Variants in LRP1B observed in about 807,000 individuals in gnomAD.
The protein encoded by LRP1B is low-density lipoprotein receptor-related protein 1B.
LRP1B carries 217 observed loss-of-function variants against 556.6 expected under a neutral mutation model. The ratio of observed to expected loss-of-function variants is 0.39; its 90% CI spans 0.35 to 0.44. The LOEUF is 0.44. Ranked by LOEUF, LRP1B falls within the 20% of genes least tolerant of loss-of-function variation. LRP1B has a pLI of 1.00. For synonymous variants in LRP1B, 2,047 were observed against 1,865.8 expected, an observed-to-expected ratio of 1.10 and a Z score of -2.50; for missense variants, 5,053 against 5,620.8, an observed-to-expected ratio of 0.90 and a Z score of 3.23.
chr2:141,882,841 G>A (rs781604182), intron 1 of LRP1B, among the ~76,000 whole-genome samples: 6 of 152,140 alleles, frequency 3.9e-5, no homozygotes, highest in Non-Finnish European at 7.3e-5. Flanking sequence ...TCAAAGTGCA[G>A]GGGTTATAGG....
intron 2 of LRP1B, among the ~76,000 whole-genome samples, chr2:141,525,615 A>C (rs72852491): frequency 0.24 from 36,161 of 151,936 alleles, 5,318 homozygotes; most frequent in East Asian, 0.48. Flanking sequence ...TTTTAGAGCA[A>C]ATATATGTAA....
chr2:140,243,158 G>A (rs539463543), intron 87 of LRP1B, among the ~76,000 whole-genome samples: 1 of 151,250 alleles, frequency 6.6e-6, no homozygotes, highest in African/African-American at 2.4e-5. Context: ...AGATGACACA[G>A]ATACAGATAT....
At chr2:141,591,628 G>A (rs961904060) in intron 2 of LRP1B, among the ~76,000 whole-genome samples, 3 of 149,586 alleles carry the variant, frequency 2.0e-5, no homozygotes, top group Non-Finnish European at 3.0e-5. Context: ...CTCCATGTGT[G>A]TTTATGTATG....
At chr2:141,018,067 A>G (rs1472229087) in intron 12 of LRP1B, among the ~76,000 whole-genome samples, 2 of 152,046 alleles carry the variant, frequency 1.3e-5, no homozygotes, top group Non-Finnish European at 2.9e-5. Context: ...GAATTCTTAA[A>G]CACACAGAAT....
Position 141,179,815 on chromosome 2 carries a change from T to C in LRP1B, c.1013+8606A>G, listed in dbSNP as rs1680912112. On this transcript the variant is annotated intron_variant, in intron 7 of 90. Coordinates refer to ENST00000389484, the MANE Select transcript of LRP1B (RefSeq NM_018557.3). ...GGGGCTCAAGGGAAAAATATCAATT[T>C]TGGTTCAATATCCTGCAAGGCTCAG... Among the ~76,000 whole-genome samples, 4 of 151,664 alleles carry C rather than the reference T, an allele frequency of 2.6e-5. No homozygotes were observed. The South Asian group carries it at 8.3e-4, about 31-fold the overall frequency.
At chr2:140,908,365 A>AATATATATATATATAT (rs71834225) in intron 21 of LRP1B, among the ~76,000 whole-genome samples, 1 of 141,004 alleles carries the variant, frequency 7.1e-6, no homozygotes, top group Non-Finnish European at 1.5e-5. Flanking sequence ...ATATTTATAT[A>AATATATATATATATAT]ATATATATAT....
chr2:140,247,640 C>G (rs182296708), intron 86 of LRP1B, among the ~76,000 whole-genome samples: 4 of 151,688 alleles, frequency 2.6e-5, no homozygotes, highest in African/African-American at 9.6e-5. Context: ...AGTTTTTACT[C>G]TCCTAAGCAG....
intron 3 of LRP1B, among the ~76,000 whole-genome samples, chr2:141,430,610 T>G (rs942005083): frequency 1.2e-4 from 14 of 120,734 alleles, no homozygotes; most frequent in African/African-American, 3.8e-4. Context: ...GTTTAGTGAT[T>G]CAATTTTTAT....
chr2:141,844,869 A>G (rs1452615974), intron 1 of LRP1B, among the ~76,000 whole-genome samples: 1 of 151,956 alleles, frequency 6.6e-6, no homozygotes. Flanking sequence ...GTCTAAAAGC[A>G]TTTGAGATGC....
Position 140,606,679 on chromosome 2 carries a change from T to C in LRP1B, c.6800-5040A>G, listed in dbSNP as rs182443141. On this transcript the variant is annotated intron_variant, in intron 41 of 90. Coordinates refer to ENST00000389484, the MANE Select transcript of LRP1B (RefSeq NM_018557.3). ...GACACAGCTACATGTACCAGAAAAG[T>C]CCAATGAGAAAAAAAATTATCTCAA... is the stretch of plus-strand genomic sequence containing the variant. Among the ~76,000 whole-genome samples, 120 of 151,884 alleles carry C rather than the reference T, an allele frequency of 7.9e-4. 1 individual carries two copies. The highest frequency in any genetic ancestry group is 2.7e-3 in the African/African-American group (114 of 41,462).
chr2:141,445,868 G>A (rs1162691852), intron 3 of LRP1B, among the ~76,000 whole-genome samples: 5 of 152,170 alleles, frequency 3.3e-5, no homozygotes, highest in East Asian at 1.9e-4. Flanking sequence ...TAAGTGCAAC[G>A]TGGTGCTGAG....
chr2:140,562,661 C>T (rs1319954134), intron 43 of LRP1B, among the ~76,000 whole-genome samples: 3 of 152,074 alleles, frequency 2.0e-5, no homozygotes, highest in Non-Finnish European at 4.4e-5. Flanking sequence ...TGCTCTGTCA[C>T]CCAGGCTGGG....
intron 27 of LRP1B, among the ~76,000 whole-genome samples, chr2:140,855,051 G>A (rs1324416968): frequency 6.6e-6 from 1 of 152,036 alleles, no homozygotes; most frequent in East Asian, 1.9e-4. Flanking sequence ...GAACCTTAGA[G>A]ATATACCTGT....
chr2:141,017,829 T>C (rs1196859170), intron 12 of LRP1B, among the ~76,000 whole-genome samples: 1 of 151,454 alleles, frequency 6.6e-6, no homozygotes, highest in Non-Finnish European at 1.5e-5. Flanking sequence ...ACCCCATCTC[T>C]ACAAAAAAAA....
chr2:140,765,026 A>T (rs1314796422), intron 35 of LRP1B, among the ~76,000 whole-genome samples: 1 of 151,986 alleles, frequency 6.6e-6, no homozygotes, highest in Admixed American at 6.6e-5. Flanking sequence ...ACAGGGTCTC[A>T]CTATACTGCC....
chr2:141,985,316 A>C (rs1702155562), intron 1 of LRP1B, among the ~76,000 whole-genome samples: 1 of 152,170 alleles, frequency 6.6e-6, no homozygotes, highest in South Asian at 2.1e-4. Flanking sequence ...ACCTATTTTC[A>C]CTTCAAGGAT....
chr2:142,073,839 C>T (rs1042952549), intron 1 of LRP1B, among the ~76,000 whole-genome samples: 6 of 151,862 alleles, frequency 4.0e-5, no homozygotes, highest in Non-Finnish European at 5.9e-5. Context: ...CTCTCTCTTC[C>T]TCCTGCTCCA....
intron 1 of LRP1B, among the ~76,000 whole-genome samples, chr2:141,888,737 TGACCTGACG>T (rs1369287600): frequency 2.6e-5 from 4 of 152,178 alleles, no homozygotes; most frequent in African/African-American, 4.8e-5. Context: ...GAGAGTTTGC[TGACCTGACG>T]GAATGACAGT....
chr2:141,293,578 G>A (rs1407482775), intron 3 of LRP1B, among the ~76,000 whole-genome samples: 2 of 151,476 alleles, frequency 1.3e-5, no homozygotes, highest in Non-Finnish European at 2.9e-5. Flanking sequence ...AAAGTATCAT[G>A]GCAACCACTT....
Sources: gnomAD v4.1 joint callset for allele counts (sites outside exome capture counted in the v4.1 genomes callset) on GRCh38, gnomAD v4.1.1 for gene constraint, MANE v1.5 for transcripts, NCBI Gene and HGNC (gene_info 2026-07-23, HGNC 2026-07-21) for gene names.